ADGRE1: variants seen among roughly 807,000 people sequenced by gnomAD.
The protein encoded by ADGRE1 is EGF-like module receptor 1.
A neutral mutation model predicts 102.7 loss-of-function variants in ADGRE1; 82 were observed. The observed-to-expected ratio is 0.80, with a 90% confidence interval of 0.67 to 0.96. The LOEUF is 0.96. Among genes scored for constraint, ADGRE1 ranks in the 40% least tolerant of loss-of-function variants. The pLI is 0.00. For synonymous variants in ADGRE1, 398 were observed against 399.6 expected, an observed-to-expected ratio of 1.00 and a Z score of 0.05; for missense variants, 1,032 against 1,085.3, an observed-to-expected ratio of 0.95 and a Z score of 0.69.
At chr19:6,928,273 G>A (rs1487936183) in intron 17 of ADGRE1, 62 bp downstream of exon 17, 6 of 1,613,204 alleles carry the variant, frequency 3.7e-6, no homozygotes, top group East Asian at 4.5e-5. Context: ...GGAGACCTGC[G>A]AGATCTGGAA....
In ADGRE1 at chr19:6,937,570, C is replaced by T. The variant is rs575409518; in HGVS notation, c.2577C>T (p.Ile859=). 1.2e-6 allele frequency: 2 copies of T among 1,613,866 alleles called. No homozygotes were observed. The highest frequency in any genetic ancestry group is 8.5e-7 in the Non-Finnish European group (1 of 1,180,012). The change falls in exon 20 of 21, where the codon ATC becomes ATT. Residue 859 remains isoleucine, a synonymous_variant. Coordinates refer to ENST00000312053, the MANE Select transcript of ADGRE1 (RefSeq NM_001974.5). ...TACGAGAAGAATACAAGAGGTGGAT[C>T]ACTGGGAAGACGAAGCCCAGCTCCC... The part of the protein sequence containing the change: ...GQVREEYKRW[I]TGKTKPSSQS...
At chr19:6,897,793 G>A in intron 5 of ADGRE1, 1 of 269,564 alleles carries the variant, frequency 3.7e-6, no homozygotes. Context: ...TTTTTTATCT[G>A]GTTTAACAAT....
intron 2 of ADGRE1, among the ~76,000 whole-genome samples, chr19:6,893,305 C>G (rs994260809): frequency 6.6e-6 from 1 of 152,158 alleles, no homozygotes; most frequent in African/African-American, 2.4e-5. Context: ...TCAAGTGATT[C>G]TCCTGCCTCA....
intron 12 of ADGRE1, among the ~76,000 whole-genome samples, chr19:6,919,023 C>G (rs905519854): frequency 5.3e-5 from 8 of 151,972 alleles, no homozygotes; most frequent in African/African-American, 1.9e-4. Context: ...CTCTGCCCAG[C>G]TGTGGAAGTT....
chr19:6,913,065 G>A (rs148440954), intron 10 of ADGRE1, among the ~76,000 whole-genome samples: 13 of 152,240 alleles, frequency 8.5e-5, no homozygotes, highest in East Asian at 1.9e-4. Context: ...CTCCTGAGTC[G>A]CTGGGACTAG....
chr19:6,898,291 C>A lies in ADGRE1; in HGVS notation c.514+744C>A, dbSNP rs1973643032. The stretch of plus-strand genomic sequence containing the variant: ...ATCTAGTATAAGTGAATTTGTAACT[C>A]CAATTCTCTGTCTAGATATTGATGA... On this transcript the variant is annotated intron_variant, in intron 5 of 20. Transcript: ENST00000312053. The A allele has an allele frequency of 2.5e-6, 4 of 1,594,608 alleles. No homozygotes were observed. In the African/African-American group the frequency reaches 4.0e-5, roughly 16 times the overall value.
chr19:6,914,708 C>A (rs1974313442), intron 11 of ADGRE1, among the ~76,000 whole-genome samples: 1 of 152,186 alleles, frequency 6.6e-6, no homozygotes. Context: ...AAACAGACAT[C>A]TGGTATACCA....
chr19:6,891,409 C>T (rs1490431470), intron 2 of ADGRE1, among the ~76,000 whole-genome samples: 1 of 151,776 alleles, frequency 6.6e-6, no homozygotes, highest in Non-Finnish European at 1.5e-5. Context: ...CTTCTTTGGG[C>T]AACTTAGCAA....
At position 6,919,713 on chromosome 19, in the gene ADGRE1, C is replaced by T; in HGVS notation, c.1586C>T (p.Ser529Leu). 1 of 1,613,452 alleles carries T rather than the reference C, an allele frequency of 6.2e-7. No homozygotes were observed. The highest frequency in any genetic ancestry group is 8.5e-7 in the Non-Finnish European group (1 of 1,179,742). ...ACTGGAGAGAAGAAAGACGGCTTCT[C>T]AGATCCAATCATCTACACTCTGGAG... ...IMTGEKKDGF[S>L]DPIIYTLENI... Residue 529 changes from serine to leucine, a missense_variant, in exon 13 of 21, where the codon TCA becomes TTA. Ser to Leu is a moderately radical substitution (Grantham distance 145). Coordinates refer to ENST00000312053, the MANE Select transcript of ADGRE1 (RefSeq NM_001974.5).
rs1974559631 is a variant in ADGRE1 at position 6,919,708 on chromosome 19, C to A, written c.1581C>A (p.Gly527=). The change falls in exon 13 of 21, where the codon GGC becomes GGA. Residue 527 remains glycine, a synonymous_variant. Coordinates refer to ENST00000312053, the MANE Select transcript of ADGRE1 (RefSeq NM_001974.5). ...TAATGACTGGAGAGAAGAAAGACGG[C>A]TTCTCAGATCCAATCATCTACACTC... is the stretch of plus-strand genomic sequence containing the variant. ...GGIMTGEKKD[G]FSDPIIYTLE... 1.2e-6 allele frequency: 2 copies of A among 1,613,070 alleles called. No homozygotes were observed. The highest frequency in any genetic ancestry group is 2.2e-5 in the South Asian group (2 of 91,044).
intron 15 of ADGRE1, among the ~76,000 whole-genome samples, chr19:6,925,721 A>G (rs1974875140): frequency 6.7e-6 from 1 of 150,040 alleles, no homozygotes; most frequent in Non-Finnish European, 1.5e-5. Flanking sequence ...AGTTTTTTTG[A>G]GACAGGGTCT....
chr19:6,919,675 T>TG lies in ADGRE1; in HGVS notation c.1553dup (p.Ile519HisfsTer28). The TG allele has an allele frequency of 6.2e-7, 1 of 1,613,258 alleles. No homozygotes were observed. The highest frequency in any genetic ancestry group is 8.5e-7 in the Non-Finnish European group (1 of 1,179,818). The stretch of plus-strand genomic sequence containing the variant: ...AGCTGAAGATGAATTCTCGAGTCGT[T>TG]GGGGGCATAATGACTGGAGAGAAGA... On this transcript the variant is annotated frameshift_variant, in exon 13 of 21. Transcript: ENST00000312053. LOFTEE classifies it high-confidence loss of function.
In ADGRE1 at chr19:6,928,206, A is replaced by G. The variant is rs200523018; in HGVS notation, c.2284A>G (p.Ile762Val). ...WSFLGPVCTV[I>V]VINSLLLTWT... ...TTTCTTGGGGCCAGTTTGCACAGTTATAGTGGTAAGCAAATACTACAACAG... is the reference window on the plus strand; with the variant it reads ...TTTCTTGGGGCCAGTTTGCACAGTTGTAGTGGTAAGCAAATACTACAACAG... The change falls in exon 17 of 21, where the codon ATA (isoleucine) becomes GTA (valine). Residue 762 changes from isoleucine to valine, a missense_variant. By Grantham distance (29) the Ile-to-Val change is conservative. Coordinates refer to ENST00000312053, the MANE Select transcript of ADGRE1 (RefSeq NM_001974.5). 454 of 1,614,080 alleles carry G rather than the reference A, an allele frequency of 2.8e-4. 1 individual carries two copies. Among genetic ancestry groups the G allele is most frequent in the Non-Finnish European group, 3.7e-4 (441 of 1,180,032 alleles).
intron 12 of ADGRE1, among the ~76,000 whole-genome samples, chr19:6,918,609 T>A (rs1287279943): frequency 6.6e-6 from 1 of 152,184 alleles, no homozygotes; most frequent in Non-Finnish European, 1.5e-5. Context: ...CCAAAGAGAC[T>A]GAAACAGAAT....
chr19:6,901,869 CT>C lies in ADGRE1; in HGVS notation c.515-4del. On this transcript the variant is annotated splice_polypyrimidine_tract_variant and splice_region_variant and intron_variant, in intron 5 of 20. Coordinates refer to ENST00000312053, the MANE Select transcript of ADGRE1 (RefSeq NM_001974.5). ...CTTGACCTGGGTTTTCTCTTCCACTCTTCAGACGTGGATGAATGTGCAGATC... is the reference window on the plus strand; with the variant it reads ...CTTGACCTGGGTTTTCTCTTCCACTCTCAGACGTGGATGAATGTGCAGATC... 6.2e-7 allele frequency: 1 copy of C among 1,614,098 alleles called. No homozygotes were observed. The highest frequency in any genetic ancestry group is 8.5e-7 in the Non-Finnish European group (1 of 1,179,946).
intron 11 of ADGRE1, among the ~76,000 whole-genome samples, chr19:6,915,110 A>G (rs1169590528): frequency 6.6e-6 from 1 of 151,922 alleles, no homozygotes; most frequent in Non-Finnish European, 1.5e-5. Context: ...GGCTCAAGTG[A>G]TCCTCCTGCC....
At chr19:6,926,240 T>A (rs1441388237) in intron 15 of ADGRE1, 126 bp from the exon 16 acceptor site, 4 of 988,404 alleles carry the variant, frequency 4.0e-6, no homozygotes, top group Non-Finnish European at 6.0e-6. Flanking sequence ...TCTCTATAAA[T>A]GTTTGTGAGA....
intron 10 of ADGRE1, among the ~76,000 whole-genome samples, chr19:6,911,973 A>G (rs1974212208): frequency 6.6e-6 from 1 of 150,536 alleles, no homozygotes; most frequent in Non-Finnish European, 1.5e-5. Flanking sequence ...AGACATACAC[A>G]GACATCTACA....
rs563463854 is a variant in ADGRE1, at chr19:6,913,862, C to T, written c.1300+32C>T. The T allele has an allele frequency of 3.6e-5, 55 of 1,508,012 alleles. No homozygotes were observed. The South Asian group carries it at 5.9e-4, about 16-fold the overall frequency. The allele number at this position is 1,508,012 out of a possible 1,614,324, so 93.4% of individuals were successfully genotyped here. The stretch of plus-strand genomic sequence containing the variant: ...GACACCCTTTGTGGCAAGGTTACAC[C>T]TAGGGGATGATTTTGAAAGTTGACT... On this transcript the variant is annotated intron_variant, in intron 11 of 20. Coordinates refer to ENST00000312053, the MANE Select transcript of ADGRE1 (RefSeq NM_001974.5).
Sources: gnomAD v4.1 joint callset for allele counts (sites outside exome capture counted in the v4.1 genomes callset) on GRCh38, gnomAD v4.1.1 for gene constraint, MANE v1.5 for transcripts, NCBI Gene and HGNC (gene_info 2026-07-23, HGNC 2026-07-21) for gene names.